The following ANKRD36C variants were observed in gnomAD, a reference collection of about 807,000 sequenced individuals.
The protein encoded by ANKRD36C is ankyrin repeat domain 36C.
A neutral mutation model predicts 276.4 loss-of-function variants in ANKRD36C; 61 were observed. The observed-to-expected ratio is 0.22, with a 90% confidence interval of 0.18 to 0.27. The LOEUF (loss-of-function observed/expected upper bound fraction) is 0.27. Among genes scored for constraint, ANKRD36C ranks in the 10% least tolerant of loss-of-function variants. ANKRD36C has a pLI of 1.00. For missense variants in ANKRD36C, 1,447 were observed against 2,032.3 expected, an observed-to-expected ratio of 0.71 and a Z score of 5.54; for synonymous variants, 483 against 680.1, an observed-to-expected ratio of 0.71 and a Z score of 4.51.
At chr2:95,920,748 A>C (rs9973622) in intron 34 of ANKRD36C, among the ~76,000 whole-genome samples, 3 of 146,042 alleles carry the variant, frequency 2.1e-5, no homozygotes, top group African/African-American at 7.6e-5. Flanking sequence ...ATTAGAATTC[A>C]ACATAATTTT....
chr2:95,933,661 G>A (rs1453257726), intron 24 of ANKRD36C, among the ~76,000 whole-genome samples: 1 of 152,032 alleles, frequency 6.6e-6, no homozygotes, highest in Admixed American at 6.6e-5. Flanking sequence ...CTTATCAGCT[G>A]AAGGAGATTT....
intron 59 of ANKRD36C, among the ~76,000 whole-genome samples, chr2:95,872,582 C>T (rs1228700995): frequency 1.3e-5 from 2 of 152,052 alleles, no homozygotes; most frequent in African/African-American, 2.4e-5. Flanking sequence ...CCAAAATTGA[C>T]ACCCTAACAT....
intron 59 of ANKRD36C, among the ~76,000 whole-genome samples, chr2:95,873,707 G>T (rs1675870233): frequency 6.6e-6 from 1 of 152,192 alleles, no homozygotes; most frequent in Admixed American, 6.5e-5. Flanking sequence ...GAAATAAAGG[G>T]TATTCAATTA....
chr2:95,880,255 A>T (rs1676046852), intron 58 of ANKRD36C, among the ~76,000 whole-genome samples, 172 bp downstream of exon 78: 1 of 152,258 alleles, frequency 6.6e-6, no homozygotes, highest in Non-Finnish European at 1.5e-5. Flanking sequence ...TATTTTCCTT[A>T]TGCATGTAAA....
At chr2:95,884,433 T>C in intron 52 of ANKRD36C, 65 bp from the exon 73 acceptor site, 1 of 1,606,030 alleles carries the variant, frequency 6.2e-7, no homozygotes. Flanking sequence ...CATACATTCA[T>C]GCAGTGTTAG....
At chr2:95,967,529 C>T (rs1029949175) in intron 6 of ANKRD36C, among the ~76,000 whole-genome samples, 2 of 152,164 alleles carry the variant, frequency 1.3e-5, no homozygotes, top group African/African-American at 2.4e-5. Flanking sequence ...AATGCTTTTA[C>T]ACTGTTGGTG....
intron 6 of ANKRD36C, among the ~76,000 whole-genome samples, chr2:95,973,446 A>G (rs1678739019): frequency 6.6e-6 from 1 of 152,176 alleles, no homozygotes; most frequent in African/African-American, 2.4e-5. Context: ...ACATACATAA[A>G]ATAATTTGCA....
chr2:95,936,227 TC>T (rs1362255881), intron 22 of ANKRD36C, among the ~76,000 whole-genome samples: 2,752 of 102,358 alleles, frequency 0.027, no homozygotes, highest in Admixed American at 0.05. Flanking sequence ...ATTTGAAACA[TC>T]AGAGGCTTTT....
At chr2:95,891,965 G>A (rs1437378199) in intron 44 of ANKRD36C, 105 bp from the exon 65 acceptor site, 1 of 1,525,212 alleles carries the variant, frequency 6.6e-7, no homozygotes, top group Non-Finnish European at 8.9e-7. Context: ...GCCTGTATTA[G>A]CGTAGGCTTT....
intron 6 of ANKRD36C, among the ~76,000 whole-genome samples, chr2:95,973,017 G>T (rs528523982): frequency 1.3e-5 from 2 of 152,240 alleles, no homozygotes; most frequent in African/African-American, 4.8e-5. Context: ...GGCTGAGGCA[G>T]GAAGATTGCT....
chr2:95,893,823 G>T, intron 44 of ANKRD36C, 99 bp from the exon 63 acceptor site: 1 of 1,577,648 alleles, frequency 6.3e-7, no homozygotes, highest in Non-Finnish European at 8.6e-7. Context: ...CCTCCTGCCT[G>T]TATTAGCGTA....
At chr2:95,900,883 T>C in intron 42 of ANKRD36C, 132 bp downstream of exon 56, 1 of 298,286 alleles carries the variant, frequency 3.4e-6, no homozygotes. Context: ...CCCAAGAACT[T>C]ATTAGAAATG....
At chr2:95,987,002 A>T in intron 2 of ANKRD36C, 78 bp from the exon 3 acceptor site, 2 of 1,591,352 alleles carry the variant, frequency 1.3e-6, no homozygotes, top group South Asian at 2.3e-5. Flanking sequence ...TACTAGTTAT[A>T]TGGTGGTATT....
intron 44 of ANKRD36C, among the ~76,000 whole-genome samples, chr2:95,896,826 G>T (rs1258114002): frequency 6.7e-6 from 1 of 149,786 alleles, no homozygotes; most frequent in Non-Finnish European, 1.5e-5. Flanking sequence ...TCTCCCTTAG[G>T]AAAATAGTTG....
chr2:95,892,325 C>T (rs961735794), intron 44 of ANKRD36C, among the ~76,000 whole-genome samples: 24 of 151,456 alleles, frequency 1.6e-4, no homozygotes, highest in African/African-American at 5.3e-4. Flanking sequence ...CACACAATTA[C>T]GATAACAATT....
rs770726856 is a variant in ANKRD36C at position 95,986,754 on chromosome 2, G to A, written c.483C>T (p.Ser161=). The stretch of plus-strand genomic sequence containing the variant: ...AATAACATTGGTTGACCTATACCTC[G>A]CTGCATTCTTCAATATTTGCACCAT... Residue 161 remains serine (S), a synonymous_variant, in exon 3 of 67, where the codon AGC becomes AGT. Transcript: ENST00000456556. The A allele has an allele frequency of 5.8e-5, 93 of 1,610,782 alleles. No homozygotes were observed. Among genetic ancestry groups the A allele is most frequent in the Non-Finnish European group, 7.5e-5 (89 of 1,179,174 alleles).
rs1002132477 is a variant in ANKRD36C at position 95,943,386 on chromosome 2, G to T, written c.1491+1241C>A. 6.2e-4 allele frequency among the ~76,000 whole-genome samples: 94 copies of T among 151,456 alleles called. 2 individuals carry two copies. The highest frequency in any genetic ancestry group is 2.2e-3 in the African/African-American group (92 of 41,446). On this transcript the variant is annotated intron_variant, in intron 19 of 66. Transcript: ENST00000456556. ...TATAGTCCCAGCTACTCGCGAGGCT[G>T]AGGCAGGAGAATGGCGTGAACCCGG...
chr2:95,962,231 G>C (rs1411658605), intron 8 of ANKRD36C, 121 bp downstream of exon 8: 1 of 1,226,250 alleles, frequency 8.2e-7, no homozygotes, highest in Non-Finnish European at 1.1e-6. Context: ...TACAAAAGCA[G>C]AATCTCAGGC....
chr2:95,891,387 G>C (rs1299283135), intron 46 of ANKRD36C, among the ~76,000 whole-genome samples: 2 of 151,384 alleles, frequency 1.3e-5, no homozygotes, highest in African/African-American at 4.8e-5. Flanking sequence ...GAGAATTAAA[G>C]CAAAATTATG....
Sources: gnomAD v4.1 joint callset for allele counts (sites outside exome capture counted in the v4.1 genomes callset) on GRCh38, gnomAD v4.1.1 for gene constraint, MANE v1.5 for transcripts, NCBI Gene and HGNC (gene_info 2026-07-23, HGNC 2026-07-21) for gene names.